Variants in RNF144A observed in about 807,000 individuals in gnomAD.
The protein encoded by RNF144A is ring finger protein 144A.
A neutral mutation model predicts 38.7 loss-of-function variants in RNF144A; 11 were observed. The observed-to-expected ratio is 0.28, with a 90% CI of 0.18 to 0.47. The LOEUF (loss-of-function observed/expected upper bound fraction) is 0.47, where lower values mean the gene tolerates loss of function less well. Ranked by LOEUF, RNF144A falls within the 20% of genes least tolerant of loss-of-function variation. RNF144A has a pLI of 0.99. For missense variants in RNF144A, 316 were observed against 377.2 expected, an observed-to-expected ratio of 0.84 and a Z score of 1.34; for synonymous variants, 149 against 143.9, an observed-to-expected ratio of 1.04 and a Z score of -0.25.
downstream of RNF144A, among the ~76,000 whole-genome samples, chr2:7,046,832 G>A (rs577743241): frequency 6.6e-6 from 1 of 152,178 alleles, no homozygotes; most frequent in Non-Finnish European, 1.5e-5. Context: ...TCATTCACTT[G>A]TTCTCCTAGG....
At chr2:6,974,880 C>T (rs1162757663) in intron 2 of RNF144A, among the ~76,000 whole-genome samples, 1 of 152,060 alleles carries the variant, frequency 6.6e-6, no homozygotes, top group African/African-American at 2.4e-5. Context: ...GTAATTTATA[C>T]AATACTAAAA....
chr2:6,925,506 G>A (rs1462884297), intron 1 of RNF144A, among the ~76,000 whole-genome samples: 1 of 152,104 alleles, frequency 6.6e-6, no homozygotes, highest in Non-Finnish European at 1.5e-5. Flanking sequence ...CATGTGTAGG[G>A]GTGAAAGTGG....
At chr2:6,960,460 T>C (rs3772009) in intron 2 of RNF144A, among the ~76,000 whole-genome samples, 14,570 of 152,272 alleles carry the variant, frequency 0.096, 789 homozygotes, top group African/African-American at 0.12. Context: ...TGGATGATAC[T>C]CTTTTAAAAA....
chr2:6,969,333 T>A (rs1667857859), intron 2 of RNF144A, among the ~76,000 whole-genome samples: 1 of 151,980 alleles, frequency 6.6e-6, no homozygotes, highest in Non-Finnish European at 1.5e-5. Flanking sequence ...GGATGACTGG[T>A]GTCCGTATAA....
chr2:7,075,289 C>A, the RNF144A span, among the ~76,000 whole-genome samples: 19 of 151,822 alleles, frequency 1.3e-4, no homozygotes, highest in African/African-American at 2.9e-4. Flanking sequence ...CATCCCCCCC[C>A]CCACACAGTG....
At chr2:7,033,241 G>A (rs1346548757) in intron 8 of RNF144A, among the ~76,000 whole-genome samples, 1 of 152,280 alleles carries the variant, frequency 6.6e-6, no homozygotes, top group African/African-American at 2.4e-5. Context: ...GCCAGCCCAT[G>A]TGCGGCCCAC....
At chr2:6,965,604 C>A (rs931207143) in intron 2 of RNF144A, among the ~76,000 whole-genome samples, 1 of 152,130 alleles carries the variant, frequency 6.6e-6, no homozygotes, top group African/African-American at 2.4e-5. Flanking sequence ...AAGGGTGGAG[C>A]TGCAGGCCCG....
chr2:7,035,943 A>G (rs1181820904), intron 8 of RNF144A, among the ~76,000 whole-genome samples: 2 of 152,224 alleles, frequency 1.3e-5, no homozygotes, highest in African/African-American at 2.4e-5. Context: ...TTTATTCAGT[A>G]TAGCAGAGTC....
intron 2 of RNF144A, among the ~76,000 whole-genome samples, chr2:6,985,850 A>G (rs1280008066): frequency 6.6e-6 from 1 of 151,830 alleles, no homozygotes; most frequent in Non-Finnish European, 1.5e-5. Context: ...TTTTTTTTGT[A>G]TTTTTAGTAG....
chr2:6,930,828 A>G (rs1248302930), intron 1 of RNF144A, among the ~76,000 whole-genome samples: 4 of 152,090 alleles, frequency 2.6e-5, no homozygotes, highest in Non-Finnish European at 5.9e-5. Flanking sequence ...TTTTGAGCTC[A>G]AGCAATTCTC....
chr2:6,990,792 C>T lies in RNF144A; in HGVS notation c.-11-6124C>T, dbSNP rs74622895. Among the ~76,000 whole-genome samples, 791 of 152,236 alleles carry T rather than the reference C, an allele frequency of 5.2e-3. 6 individuals carry two copies. Among genetic ancestry groups the T allele is most frequent in the African/African-American group, 0.018 (754 of 41,524 alleles). On this transcript the variant is annotated intron_variant, in intron 2 of 8. Coordinates refer to ENST00000320892, the MANE Select transcript of RNF144A (RefSeq NM_014746.6). ...ATGACATGTAATCACCATTACGCTT[C>T]ATGCTGAATAGTTGCTCTCCCCTAA...
intron 1 of RNF144A, among the ~76,000 whole-genome samples, chr2:6,925,051 T>C (rs1490145773): frequency 6.6e-6 from 1 of 152,228 alleles, no homozygotes; most frequent in Non-Finnish European, 1.5e-5. Flanking sequence ...ACACGGCGAA[T>C]TTTGATAGCG....
chr2:6,927,733 T>C (rs1237812154), intron 1 of RNF144A, among the ~76,000 whole-genome samples: 1 of 152,234 alleles, frequency 6.6e-6, no homozygotes, highest in Non-Finnish European at 1.5e-5. Flanking sequence ...TCATAATTGT[T>C]ATATAGATTG....
intron 3 of RNF144A, 77 bp from the exon 4 acceptor site, chr2:7,014,376 CT>C: frequency 1.3e-5 from 12 of 952,396 alleles, no homozygotes; most frequent in Admixed American, 3.6e-5. Flanking sequence ...GTGCCTGGTC[CT>C]TTTTTTAATG....
At position 6,944,517 on chromosome 2, in the gene RNF144A, C is replaced by T. The variant is rs1666211528; in HGVS notation, c.-12+3370C>T. 6.6e-6 allele frequency among the ~76,000 whole-genome samples: 1 copy of T among 152,060 alleles called. No individual in the cohort carries two copies. The highest frequency in any genetic ancestry group is 6.5e-5 in the Admixed American group (1 of 15,278). On this transcript the variant is annotated intron_variant, in intron 2 of 8. Transcript: ENST00000320892. The surrounding 1 kb of genome is among the most constrained non-coding windows in gnomAD (Gnocchi z 4.7). ...CCAGATGTGGCCACTGTGAAAGTTGCCATTTGAAGTTACCCCTCCCGCTTT... is the reference window on the plus strand; with the variant it reads ...CCAGATGTGGCCACTGTGAAAGTTGTCATTTGAAGTTACCCCTCCCGCTTT...
intron 2 of RNF144A, among the ~76,000 whole-genome samples, chr2:6,963,465 T>C (rs1667468221): frequency 2.0e-5 from 3 of 152,178 alleles, no homozygotes; most frequent in African/African-American, 7.2e-5. Flanking sequence ...GACTTGGTTT[T>C]CTAAGTTAAA....
At chr2:7,071,406 G>A (rs901383883), downstream of RNF144A, among the ~76,000 whole-genome samples, 4 of 152,178 alleles carry the variant, frequency 2.6e-5, no homozygotes, top group African/African-American at 9.7e-5. Context: ...CCAGCAGCAC[G>A]CTCCTTCTTT....
intron 2 of RNF144A, among the ~76,000 whole-genome samples, chr2:6,947,576 A>G (rs1239949412): frequency 1.3e-5 from 2 of 152,228 alleles, no homozygotes; most frequent in Non-Finnish European, 2.9e-5. Flanking sequence ...TAAAACTGAC[A>G]TTGACTTATT....
intron 3 of RNF144A, 32 bp from the exon 4 acceptor site, chr2:7,014,422 T>C: frequency 7.0e-7 from 1 of 1,425,986 alleles, no homozygotes; most frequent in Non-Finnish European, 9.9e-7. Flanking sequence ...GAGGTAAAGA[T>C]GTTTATAGAC....
Sources: gnomAD v4.1 joint callset for allele counts (sites outside exome capture counted in the v4.1 genomes callset) on GRCh38, gnomAD v4.1.1 for gene constraint, Gnocchi (gnomAD v3.1) non-coding constraint, MANE v1.5 for transcripts, NCBI Gene and HGNC (gene_info 2026-07-23, HGNC 2026-07-21) for gene names.